The following PRKG1 variants were observed in gnomAD, a reference collection of about 807,000 sequenced individuals.
The protein encoded by PRKG1 is cGMP-dependent protein kinase 1.
In PRKG1, 35 loss-of-function variants were observed where a neutral mutation model predicts 88.1. That is an observed-to-expected ratio of 0.40 (90% CI 0.30 to 0.53). PRKG1 has a LOEUF of 0.53. PRKG1 is among the 20% of genes least tolerant of loss of function. The pLI, the probability that PRKG1 is intolerant of heterozygous loss-of-function variation, is 0.59. For synonymous variants in PRKG1, 303 were observed against 292.5 expected (o/e 1.04, Z -0.37); for missense variants, 540 against 839.8 (o/e 0.64, Z 4.41).
At chr10:51,579,085 G>A (rs6480343) in intron 3 of PRKG1, among the ~76,000 whole-genome samples, 54,704 of 147,928 alleles carry the variant, frequency 0.37, 10,639 homozygotes, top group Non-Finnish European at 0.45. Flanking sequence ...GGGTTCAAGC[G>A]ATTATCATGC....
At chr10:51,784,201 T>G (rs183730667) in intron 3 of PRKG1, among the ~76,000 whole-genome samples, 1 of 152,048 alleles carries the variant, frequency 6.6e-6, no homozygotes, top group South Asian at 2.1e-4. Context: ...AGTCTCTTAG[T>G]TGTGTTCTAA....
intron 4 of PRKG1, among the ~76,000 whole-genome samples, chr10:51,879,350 C>A (rs868557178): frequency 6.6e-6 from 1 of 152,204 alleles, no homozygotes; most frequent in Non-Finnish European, 1.5e-5. Flanking sequence ...TCATTTGAGT[C>A]ACCCTGGGAT....
chr10:51,186,954 TTATATATATA>T (rs3061211), intron 2 of PRKG1, among the ~76,000 whole-genome samples: 2 of 131,252 alleles, frequency 1.5e-5, no homozygotes, highest in Non-Finnish European at 3.2e-5. Flanking sequence ...AGGCCCTGTG[TTATATATATA>T]TATATATATA....
At chr10:51,549,373 T>C (rs1436133786) in intron 3 of PRKG1, among the ~76,000 whole-genome samples, 1 of 151,686 alleles carries the variant, frequency 6.6e-6, no homozygotes, top group Admixed American at 6.6e-5. Context: ...GATACCATGT[T>C]TGTTAAGAAG....
At chr10:52,228,088 G>A (rs1455750791) in intron 9 of PRKG1, among the ~76,000 whole-genome samples, 1 of 152,140 alleles carries the variant, frequency 6.6e-6, no homozygotes, top group Non-Finnish European at 1.5e-5. Context: ...TAAAAGGCAA[G>A]TAAATTTGAA....
At chr10:51,945,864 C>G (rs1247074032) in intron 5 of PRKG1, among the ~76,000 whole-genome samples, 2 of 151,648 alleles carry the variant, frequency 1.3e-5, no homozygotes, top group African/African-American at 2.4e-5. Context: ...GGTAACCCGA[C>G]CTTTCTCTCT....
chr10:51,427,425 T>A (rs1163654270), intron 2 of PRKG1, among the ~76,000 whole-genome samples: 5 of 152,160 alleles, frequency 3.3e-5, no homozygotes, highest in Non-Finnish European at 7.4e-5. Context: ...CATGAACCAT[T>A]TAGCACAAAA....
chr10:51,764,705 A>G (rs1342210680), intron 3 of PRKG1, among the ~76,000 whole-genome samples: 1 of 152,138 alleles, frequency 6.6e-6, no homozygotes, highest in Admixed American at 6.5e-5. Context: ...TTAATGTAAT[A>G]AGTCAATTTA....
chr10:52,230,363 T>A (rs1180129582), intron 9 of PRKG1, among the ~76,000 whole-genome samples: 1 of 152,208 alleles, frequency 6.6e-6, no homozygotes, highest in East Asian at 1.9e-4. Context: ...AAAAACTCCA[T>A]GAAAAATAAT....
intron 5 of PRKG1, among the ~76,000 whole-genome samples, chr10:52,003,052 C>A (rs1434812666): frequency 1.3e-5 from 2 of 152,170 alleles, no homozygotes; most frequent in African/African-American, 4.8e-5. Flanking sequence ...ATTTCTTTCA[C>A]CAAATGCCTC....
chr10:52,078,474 C>T (rs1465799496), intron 7 of PRKG1, among the ~76,000 whole-genome samples: 4 of 152,126 alleles, frequency 2.6e-5, no homozygotes, highest in Admixed American at 2.6e-4. Context: ...CATTTCATAT[C>T]ATTCTAACTT....
Position 52,280,784 on chromosome 10 carries a change from C to G in PRKG1, c.1404-5C>G. The G allele has an allele frequency of 6.2e-7, 1 of 1,611,604 alleles. No individual in the cohort carries two copies. The highest frequency in any genetic ancestry group is 2.2e-5 in the East Asian group (1 of 44,818). On this transcript the variant is annotated splice_region_variant and splice_polypyrimidine_tract_variant and intron_variant, in intron 12 of 17. Transcript: ENST00000373980. ...TACAATTTTCATTCCATTTCTGCAC[C>G]TCAGAGGTTCGTTTGAAGATTCTAC...
chr10:51,760,723 C>T (rs747875901), intron 3 of PRKG1, among the ~76,000 whole-genome samples: 27 of 152,010 alleles, frequency 1.8e-4, no homozygotes, highest in Non-Finnish European at 3.1e-4. Context: ...CTGTCTGCCT[C>T]GGCTTCCCGT....
intron 3 of PRKG1, among the ~76,000 whole-genome samples, chr10:51,631,685 T>C (rs1839530373): frequency 6.6e-6 from 1 of 152,224 alleles, no homozygotes; most frequent in Admixed American, 6.5e-5. Flanking sequence ...ATAAGGAGCA[T>C]GCAACCTAGA....
chr10:51,285,383 C>G (rs1915679), intron 2 of PRKG1, among the ~76,000 whole-genome samples: 59,145 of 151,864 alleles, frequency 0.39, 11,733 homozygotes, highest in Admixed American at 0.49. Context: ...TGTTTCTCTT[C>G]TTTTTAGTGA....
chr10:52,024,845 A>G (rs1208326945), intron 5 of PRKG1, among the ~76,000 whole-genome samples: 1 of 152,214 alleles, frequency 6.6e-6, no homozygotes, highest in Non-Finnish European at 1.5e-5. Flanking sequence ...TTATATACCT[A>G]GTAATGAGAT....
intron 2 of PRKG1, among the ~76,000 whole-genome samples, chr10:51,215,281 TAAG>T (rs1361737152): frequency 6.6e-6 from 1 of 152,172 alleles, no homozygotes; most frequent in Non-Finnish European, 1.5e-5. Context: ...AATTGAAAAA[TAAG>T]GAGAGCTTTT....
chr10:51,781,846 A>G (rs1838597334), intron 3 of PRKG1, among the ~76,000 whole-genome samples: 1 of 152,120 alleles, frequency 6.6e-6, no homozygotes, highest in Non-Finnish European at 1.5e-5. Flanking sequence ...TTATATGTGA[A>G]CATTCACCAT....
At chr10:51,932,116 T>C (rs191182276) in intron 5 of PRKG1, among the ~76,000 whole-genome samples, 12 of 152,198 alleles carry the variant, frequency 7.9e-5, no homozygotes, top group Admixed American at 5.2e-4. Context: ...GTCTTATAAA[T>C]ATTCTGCTTT....
Sources: gnomAD v4.1 joint callset for allele counts (sites outside exome capture counted in the v4.1 genomes callset) on GRCh38, gnomAD v4.1.1 for gene constraint, MANE v1.5 for transcripts, NCBI Gene and HGNC (gene_info 2026-07-23, HGNC 2026-07-21) for gene names.